Variants in SUGCT observed in about 807,000 individuals in gnomAD.
SUGCT encodes succinyl-CoA:glutarate-CoA transferase, also known as succinyl-CoA:glutarate CoA-transferase.
In SUGCT, 41 loss-of-function variants were observed where a neutral mutation model predicts 55.0. That is an observed-to-expected ratio of 0.74 (90% confidence interval 0.58 to 0.97). SUGCT has a LOEUF of 0.97. Among genes scored for constraint, SUGCT ranks in the 50% least tolerant of loss-of-function variants. The pLI, the probability that SUGCT is intolerant of heterozygous loss-of-function variation, is 0.00. For synonymous variants in SUGCT, 187 were observed against 200.4 expected (o/e 0.93, Z 0.56); for missense variants, 568 against 547.8 (o/e 1.04, Z -0.37).
chr7:40,579,946 A>G (rs971520321), intron 12 of SUGCT, among the ~76,000 whole-genome samples: 2 of 152,188 alleles, frequency 1.3e-5, no homozygotes, highest in African/African-American at 4.8e-5. Flanking sequence ...GGTCAGGTTT[A>G]TTCTAAGATT....
the SUGCT span, among the ~76,000 whole-genome samples, chr7:40,898,122 C>T: frequency 2.0e-5 from 3 of 151,990 alleles, no homozygotes; most frequent in East Asian, 1.9e-4. Context: ...CAGCTTCACT[C>T]GTGAAGCCAG....
intron 11 of SUGCT, among the ~76,000 whole-genome samples, chr7:40,492,016 T>TAAATAAATA (rs1013559286): frequency 6.7e-6 from 1 of 149,990 alleles, no homozygotes; most frequent in African/African-American, 2.5e-5. Context: ...AATAAATAAA[T>TAAATAAATA]AATAATCTAG....
chr7:41,033,746 G>A, the SUGCT span, among the ~76,000 whole-genome samples: 1 of 152,064 alleles, frequency 6.6e-6, no homozygotes, highest in Non-Finnish European at 1.5e-5. Context: ...GCACCCAAAT[G>A]TTTTGACTCA....
chr7:40,987,230 A>G, the SUGCT span, among the ~76,000 whole-genome samples: 1 of 152,158 alleles, frequency 6.6e-6, no homozygotes, highest in Admixed American at 6.6e-5. Context: ...CCCTGCCATC[A>G]GTCCCAGGGA....
At chr7:40,483,753 C>T (rs570836325) in intron 11 of SUGCT, among the ~76,000 whole-genome samples, 33 of 151,490 alleles carry the variant, frequency 2.2e-4, no homozygotes, top group African/African-American at 8.0e-4. Flanking sequence ...ACCCTTAGTC[C>T]CATGAAAAGA....
At chr7:40,907,120 TGTGTGTGTGTGTGTGTGTGTGA>T in the SUGCT span, among the ~76,000 whole-genome samples, 7 of 77,940 alleles carry the variant, frequency 9.0e-5, no homozygotes, top group African/African-American at 3.1e-4. Flanking sequence ...TGTGTGTGTG[TGTGTGTGTGTGTGTGTGTGTGA>T]GAGAGAGAGA....
chr7:40,627,626 A>G (rs1368638053), intron 12 of SUGCT, among the ~76,000 whole-genome samples: 1 of 152,214 alleles, frequency 6.6e-6, no homozygotes, highest in African/African-American at 2.4e-5. Context: ...AAAATATCTG[A>G]TTGGTTGCAA....
chr7:41,027,072 C>T, the SUGCT span, among the ~76,000 whole-genome samples: 1 of 152,064 alleles, frequency 6.6e-6, no homozygotes, highest in Non-Finnish European at 1.5e-5. Context: ...TACACAAAAA[C>T]AAAAACATCT....
At chr7:40,745,442 C>T (rs1002528212) in intron 12 of SUGCT, among the ~76,000 whole-genome samples, 6 of 152,144 alleles carry the variant, frequency 3.9e-5, no homozygotes, top group South Asian at 2.1e-4. Flanking sequence ...TTATTTCCCA[C>T]GTTACTTTAA....
At chr7:40,988,500 A>T in the SUGCT span, among the ~76,000 whole-genome samples, 105 of 152,066 alleles carry the variant, frequency 6.9e-4, no homozygotes, top group Middle Eastern at 6.8e-3. Context: ...ATCATGCCAC[A>T]AGGAGGTGTT....
chr7:40,519,859 A>G (rs1793433755), intron 12 of SUGCT, among the ~76,000 whole-genome samples: 1 of 152,126 alleles, frequency 6.6e-6, no homozygotes, highest in Admixed American at 6.6e-5. Context: ...GATAATTCAG[A>G]TAGATAATAA....
intron 7 of SUGCT, among the ~76,000 whole-genome samples, chr7:40,240,151 A>G (rs771420603): frequency 7.9e-5 from 12 of 152,164 alleles, no homozygotes; most frequent in Non-Finnish European, 1.5e-4. Context: ...AGATCTCCAT[A>G]AAGTGTGGTT....
At chr7:40,146,230 C>T (rs921778300) in intron 1 of SUGCT, among the ~76,000 whole-genome samples, 1 of 152,092 alleles carries the variant, frequency 6.6e-6, no homozygotes, top group Non-Finnish European at 1.5e-5. Context: ...GCATTTGGGC[C>T]ATCCGCAGGT....
chr7:40,147,552 C>T (rs1158927885), intron 1 of SUGCT, among the ~76,000 whole-genome samples: 1 of 152,170 alleles, frequency 6.6e-6, no homozygotes, highest in Non-Finnish European at 1.5e-5. Context: ...TTCCTTAGTC[C>T]CGACCACCAA....
rs540521547 is a variant in SUGCT at position 40,337,045 on chromosome 7, G to A, written c.816+20190G>A. ...CAGGAGCAGGTTGTTCAGTTTCCATGTAGTTGAGCGATTTTGAGTGAGTTT... is the reference window on the plus strand; with the variant it reads ...CAGGAGCAGGTTGTTCAGTTTCCATATAGTTGAGCGATTTTGAGTGAGTTT... On this transcript the variant is annotated intron_variant, in intron 9 of 13. Transcript: ENST00000335693. 9.2e-5 allele frequency among the ~76,000 whole-genome samples: 14 copies of A among 152,310 alleles called. No homozygotes were observed. The South Asian group carries it at 1.2e-3, about 14-fold the overall frequency.
intron 11 of SUGCT, among the ~76,000 whole-genome samples, chr7:40,482,734 G>C (rs1317648073): frequency 2.6e-5 from 4 of 152,148 alleles, no homozygotes; most frequent in African/African-American, 9.7e-5. Flanking sequence ...ATTTTATTCA[G>C]AATCTTTACA....
intron 9 of SUGCT, among the ~76,000 whole-genome samples, chr7:40,425,059 A>G (rs1293982606): frequency 6.6e-6 from 1 of 152,248 alleles, no homozygotes; most frequent in Non-Finnish European, 1.5e-5. Context: ...TCAGAAACTC[A>G]TGTAGTTGAA....
At chr7:41,018,452 G>C in the SUGCT span, among the ~76,000 whole-genome samples, 2 of 152,138 alleles carry the variant, frequency 1.3e-5, no homozygotes, top group Non-Finnish European at 2.9e-5. Flanking sequence ...AATGAGAAAC[G>C]GATAGCCACC....
intron 9 of SUGCT, among the ~76,000 whole-genome samples, chr7:40,398,394 A>T: frequency 6.6e-6 from 1 of 151,956 alleles, no homozygotes; most frequent in Non-Finnish European, 1.5e-5. Context: ...GCCTGGCCCC[A>T]CATTCTCTAT....
Sources: gnomAD v4.1 joint callset for allele counts (sites outside exome capture counted in the v4.1 genomes callset) on GRCh38, gnomAD v4.1.1 for gene constraint, MANE v1.5 for transcripts, NCBI Gene and HGNC (gene_info 2026-07-23, HGNC 2026-07-21) for gene names.